TEKT5: variants seen among roughly 807,000 people sequenced by gnomAD.
The protein encoded by TEKT5 is tektin 5.
TEKT5 carries 52 observed loss-of-function variants against 48.7 expected under a neutral mutation model. The observed-to-expected ratio is 1.07, with a 90% CI of 0.86 to 1.35. The LOEUF is 1.35. TEKT5 is among the 40% of genes most tolerant of loss of function. TEKT5 has a pLI of 0.00. For missense variants in TEKT5, 831 were observed against 641.6 expected (o/e 1.30, Z -3.19); for synonymous variants, 318 against 267.6 (o/e 1.19, Z -1.84).
chr16:10,682,012 T>A lies in TEKT5; in HGVS notation c.844A>T (p.Met282Leu). ...ACTTACGTGCCGTCAATTTTCTCCA[T>A]GCCGTGGAAGAAGCTGATGCAGTCT... The part of the protein sequence containing the change: ...TSDCISFFHG[M>L]EKIDGTISVP... The change falls in exon 4 of 7, where the codon ATG becomes TTG. Residue 282 changes from methionine (M) to leucine (L), a missense_variant. Met to Leu is a conservative substitution (Grantham distance 15). Coordinates refer to ENST00000283025, the MANE Select transcript of TEKT5 (RefSeq NM_144674.2). 2 of 1,614,056 alleles carry A rather than the reference T, an allele frequency of 1.2e-6. No individual in the cohort carries two copies. Among genetic ancestry groups the A allele is most frequent in the Non-Finnish European group, 1.7e-6 (2 of 1,179,926 alleles).
Position 10,687,179 on chromosome 16 carries a change from G to A in TEKT5, c.719+2074C>T, listed in dbSNP as rs2719728. ...CATGGTGACCATAGTTAACAACAAT[G>A]TACTGTGTTCTTGAAAATCACTGAG... On this transcript the variant is annotated intron_variant, in intron 3 of 6. Transcript: ENST00000283025. 1.8e-3 allele frequency among the ~76,000 whole-genome samples: 278 copies of A among 152,278 alleles called. 1 individual carries two copies. The highest frequency in any genetic ancestry group is 6.5e-3 in the African/African-American group (269 of 41,548).
chr16:10,645,879 C>G (rs1390334682), intron 5 of TEKT5, among the ~76,000 whole-genome samples: 1 of 151,884 alleles, frequency 6.6e-6, no homozygotes, highest in Non-Finnish European at 1.5e-5. Flanking sequence ...CCTGTAATTC[C>G]AGCACTTTGC....
chr16:10,647,075 G>C (rs916948033), intron 5 of TEKT5, among the ~76,000 whole-genome samples: 1 of 152,094 alleles, frequency 6.6e-6, no homozygotes, highest in Non-Finnish European at 1.5e-5. Flanking sequence ...CCCAGTGTTT[G>C]CCCTGTCATG....
At chr16:10,669,291 C>T (rs1898514369) in intron 5 of TEKT5, among the ~76,000 whole-genome samples, 1 of 136,766 alleles carries the variant, frequency 7.3e-6, no homozygotes, top group South Asian at 2.4e-4. Context: ...CCTATCTCTA[C>T]TAAATATACA....
At chr16:10,661,911 G>T (rs915721710) in intron 5 of TEKT5, among the ~76,000 whole-genome samples, 1 of 152,194 alleles carries the variant, frequency 6.6e-6, no homozygotes, top group Admixed American at 6.5e-5. Flanking sequence ...CCCGTGTAAT[G>T]TGTTCAGCAC....
At chr16:10,630,424 G>C (rs1897822649) in intron 6 of TEKT5, among the ~76,000 whole-genome samples, 3 of 152,016 alleles carry the variant, frequency 2.0e-5, no homozygotes, top group Admixed American at 2.0e-4. Context: ...AGTTTTTATA[G>C]AGATGGGGTT....
At chr16:10,666,937 GA>G (rs952470948) in intron 5 of TEKT5, among the ~76,000 whole-genome samples, 26 of 150,510 alleles carry the variant, frequency 1.7e-4, no homozygotes, top group African/African-American at 6.3e-4. Flanking sequence ...GGATTCCGAT[GA>G]AATGAACTAA....
intron 5 of TEKT5, among the ~76,000 whole-genome samples, chr16:10,661,829 T>A (rs1040710534): frequency 6.6e-6 from 1 of 152,114 alleles, no homozygotes; most frequent in African/African-American, 2.4e-5. Context: ...GAGCCTCAGT[T>A]TCCCCATGTG....
intron 6 of TEKT5, among the ~76,000 whole-genome samples, 176 bp downstream of exon 6, chr16:10,635,588 C>G (rs1168831270): frequency 6.6e-6 from 1 of 152,124 alleles, no homozygotes. Flanking sequence ...ACAGCCCGAG[C>G]TGCATCTCAG....
chr16:10,668,881 C>T (rs4780974), intron 5 of TEKT5, among the ~76,000 whole-genome samples: 54,078 of 151,890 alleles, frequency 0.36, 10,695 homozygotes, highest in East Asian at 0.54. Flanking sequence ...ATGAGGGAAG[C>T]GTGCTGTAAT....
intron 5 of TEKT5, among the ~76,000 whole-genome samples, chr16:10,640,722 T>C (rs946531735): frequency 1.3e-5 from 2 of 151,644 alleles, no homozygotes; most frequent in Non-Finnish European, 2.9e-5. Flanking sequence ...ACAGTATATA[T>C]ATATTTGTTT....
chr16:10,655,437 AT>A (rs1230775292), intron 5 of TEKT5, among the ~76,000 whole-genome samples: 3 of 152,184 alleles, frequency 2.0e-5, no homozygotes, highest in Non-Finnish European at 4.4e-5. Flanking sequence ...ATGAAATAAT[AT>A]TTTTAAGGCC....
chr16:10,680,268 C>T (rs1199503981), intron 4 of TEKT5, among the ~76,000 whole-genome samples: 1 of 152,252 alleles, frequency 6.6e-6, no homozygotes, highest in African/African-American at 2.4e-5. Flanking sequence ...AGCACTGTGA[C>T]ATTTGTAAGA....
intron 5 of TEKT5, among the ~76,000 whole-genome samples, chr16:10,636,317 G>A (rs555067608): frequency 3.3e-5 from 5 of 152,000 alleles, no homozygotes; most frequent in African/African-American, 1.2e-4. Flanking sequence ...GGAGGTTGCA[G>A]TGAGCTGAGA....
chr16:10,658,487 C>T (rs978106080), intron 5 of TEKT5, among the ~76,000 whole-genome samples: 1 of 152,066 alleles, frequency 6.6e-6, no homozygotes, highest in Non-Finnish European at 1.5e-5. Flanking sequence ...AGCAGCCAAG[C>T]ACAAGAAAAG....
At chr16:10,657,131 T>C (rs1567229426) in intron 5 of TEKT5, among the ~76,000 whole-genome samples, 1 of 138,638 alleles carries the variant, frequency 7.2e-6, no homozygotes, top group African/African-American at 3.2e-5. Context: ...TTTTTTTTTT[T>C]TTCTTTTTTT....
At chr16:10,681,706 G>T (rs1159360561) in intron 4 of TEKT5, among the ~76,000 whole-genome samples, 1 of 151,912 alleles carries the variant, frequency 6.6e-6, no homozygotes, top group Non-Finnish European at 1.5e-5. Flanking sequence ...GGTGGGGCAA[G>T]GATGGAAAGA....
intron 1 of TEKT5, among the ~76,000 whole-genome samples, chr16:10,690,404 T>C (rs1382864257): frequency 2.6e-5 from 4 of 152,352 alleles, no homozygotes; most frequent in South Asian, 2.1e-4. Context: ...ATCTTCCATG[T>C]AGCTTCTCTT....
chr16:10,655,904 C>T (rs1333211463), intron 5 of TEKT5, among the ~76,000 whole-genome samples: 2 of 152,324 alleles, frequency 1.3e-5, no homozygotes, highest in East Asian at 3.9e-4. Context: ...GGAAAGTAGA[C>T]TTCTAACTTA....
Sources: gnomAD v4.1 joint callset for allele counts (sites outside exome capture counted in the v4.1 genomes callset) on GRCh38, gnomAD v4.1.1 for gene constraint, MANE v1.5 for transcripts, NCBI Gene and HGNC (gene_info 2026-07-23, HGNC 2026-07-21) for gene names.